Variants in CAMSAP2 observed in about 807,000 individuals in gnomAD.
CAMSAP2 encodes calmodulin regulated spectrin associated protein family member 2.
In CAMSAP2, 26 loss-of-function variants were observed where a neutral mutation model predicts 146.1. That is an observed-to-expected ratio of 0.18 (90% confidence interval 0.13 to 0.25). CAMSAP2 has a LOEUF of 0.25. Among genes scored for constraint, CAMSAP2 ranks in the 10% least tolerant of loss-of-function variants. CAMSAP2 has a pLI of 1.00. For synonymous variants in CAMSAP2, 499 were observed against 596.6 expected (o/e 0.84, Z 2.38); for missense variants, 1,381 against 1,759.3 (o/e 0.78, Z 3.85).
Position 200,738,908 on chromosome 1 carries a change from T to G in CAMSAP2, c.-920T>G, listed in dbSNP as rs550662211. On this transcript the variant is annotated 5_prime_UTR_variant, in exon 1 of 17. Transcript: ENST00000358823. ...GCGCATGCTCAGTCTCCGCATCTGC[T>G]CCTTCATCCAGTGCCGCAGCCGGAA... Among the ~76,000 whole-genome samples, 5 of 150,404 alleles carry G rather than the reference T, an allele frequency of 3.3e-5. No individual in the cohort carries two copies. In the South Asian group the frequency reaches 6.3e-4, roughly 19 times the overall value.
Position 200,853,796 on chromosome 1 carries a change from T to TC in CAMSAP2, c.3823+301_3823+302insC, listed in dbSNP as rs1181741268. ...GAACTATTAACTGCCCTTTACATAC[T>TC]TATAAATTTAAATAAATGTTATATG... On this transcript the variant is annotated intron_variant, in intron 13 of 16. Coordinates refer to ENST00000358823, the MANE Select transcript of CAMSAP2 (RefSeq NM_203459.4). The surrounding 1 kb of genome is among the most constrained non-coding windows in gnomAD (Gnocchi z 5.1). Among the ~76,000 whole-genome samples, 1 of 152,198 alleles carries TC rather than the reference T, an allele frequency of 6.6e-6. No individual in the cohort carries two copies. Among genetic ancestry groups the TC allele is most frequent in the East Asian group, 1.9e-4 (1 of 5,206 alleles).
intron 2 of CAMSAP2, among the ~76,000 whole-genome samples, chr1:200,765,202 A>G (rs571774923): frequency 6.6e-6 from 1 of 152,154 alleles, no homozygotes; most frequent in South Asian, 2.1e-4. Flanking sequence ...TCTGCTTATC[A>G]GTCAAACTTG....
intron 1 of CAMSAP2, among the ~76,000 whole-genome samples, chr1:200,742,898 C>G (rs1664220048): frequency 6.6e-6 from 1 of 151,810 alleles, no homozygotes; most frequent in South Asian, 2.1e-4. Flanking sequence ...GGAATATTTA[C>G]TTAATTTGAA....
At chr1:200,786,282 G>T in intron 2 of CAMSAP2, among the ~76,000 whole-genome samples, 1 of 149,624 alleles carries the variant, frequency 6.7e-6, no homozygotes. Flanking sequence ...TCTTATTTTG[G>T]CTTTTTAAAA....
At chr1:200,763,521 C>T (rs142915944) in intron 2 of CAMSAP2, among the ~76,000 whole-genome samples, 2 of 151,806 alleles carry the variant, frequency 1.3e-5, no homozygotes, top group South Asian at 2.1e-4. Context: ...CCAGACTGGG[C>T]GACAGAGTGA....
intron 1 of CAMSAP2, among the ~76,000 whole-genome samples, chr1:200,753,627 AAG>A (rs773881450): frequency 6.6e-6 from 1 of 152,166 alleles, no homozygotes; most frequent in Non-Finnish European, 1.5e-5. Context: ...GCCCTCAAAC[AAG>A]AGCTGATGGA....
chr1:200,830,886 G>T (rs1274591625), intron 4 of CAMSAP2, among the ~76,000 whole-genome samples: 1 of 152,112 alleles, frequency 6.6e-6, no homozygotes, highest in Non-Finnish European at 1.5e-5. Flanking sequence ...TTTGTCCTTG[G>T]GTAGCCAGTG....
At chr1:200,817,090 GTA>G (rs1330925108) in intron 4 of CAMSAP2, among the ~76,000 whole-genome samples, 2 of 139,192 alleles carry the variant, frequency 1.4e-5, no homozygotes, top group Non-Finnish European at 3.2e-5. Context: ...ACACACACAC[GTA>G]TATATGTATA....
In CAMSAP2 at chr1:200,832,350, T is replaced by A. The variant is rs757699429; in HGVS notation, c.787+9T>A. On this transcript the variant is annotated intron_variant, in intron 5 of 16. Coordinates refer to ENST00000358823, the MANE Select transcript of CAMSAP2 (RefSeq NM_203459.4). The surrounding 1 kb of genome is among the most constrained non-coding windows in gnomAD (Gnocchi z 4.2). Reference sequence around the variant, plus strand: ...TGTTGTCAGATTAGAGGGTAAGTGTTCCATTGTAATACTTCTGAACTGTAG... The same window carrying A: ...TGTTGTCAGATTAGAGGGTAAGTGTACCATTGTAATACTTCTGAACTGTAG... The A allele has an allele frequency of 6.2e-7, 1 of 1,607,438 alleles. No homozygotes were observed. Among genetic ancestry groups the A allele is most frequent in the Admixed American group, 1.7e-5 (1 of 58,580 alleles).
chr1:200,808,478 G>A (rs147638434), intron 3 of CAMSAP2, among the ~76,000 whole-genome samples: 6 of 152,264 alleles, frequency 3.9e-5, no homozygotes, highest in Admixed American at 1.3e-4. Flanking sequence ...CATGAAGCTC[G>A]TAATAAAAAG....
chr1:200,780,861 CTT>C (rs1232964355), intron 2 of CAMSAP2, among the ~76,000 whole-genome samples: 1 of 152,198 alleles, frequency 6.6e-6, no homozygotes, highest in African/African-American at 2.4e-5. Context: ...GATATCATGA[CTT>C]TTTCTTTTCT....
rs750881602 is a variant in CAMSAP2 at position 200,848,538 on chromosome 1, A to G, written c.1769A>G (p.Asp590Gly). Residue 590 changes from aspartate to glycine, a missense_variant, in exon 11 of 17, where the codon GAT becomes GGT. Around this residue, in one of 4 missense-constraint regions of CAMSAP2, gnomAD observed 447 missense variants for 462.2 expected, o/e 0.97. Transcript: ENST00000358823. ...ATCAAGTTAAATCAATCTAGTCCTG[A>G]TAATGTAACTGATACGAAAGGTGCC... is the stretch of plus-strand genomic sequence containing the variant. ...SNIKLNQSSPDNVTDTKGALS... is the reference protein window; with the variant it reads ...SNIKLNQSSPGNVTDTKGALS... 1 of 1,614,088 alleles carries G rather than the reference A, an allele frequency of 6.2e-7. No individual in the cohort carries two copies. The highest frequency in any genetic ancestry group is 8.5e-7 in the Non-Finnish European group (1 of 1,179,966).
Position 200,848,813 on chromosome 1 carries a change from T to C in CAMSAP2, c.2044T>C (p.Ser682Pro), listed in dbSNP as rs749074428. The C allele has an allele frequency of 6.2e-7, 1 of 1,614,134 alleles. No individual in the cohort carries two copies. ...SQPGSSASSS[S>P]GVKMTSFAEQ... ...GCCAGGCAGCAGTGCTTCTTCTAGT[T>C]CTGGAGTTAAAATGACCAGCTTTGC... The change falls in exon 11 of 17, where the codon TCT becomes CCT. Residue 682 changes from serine to proline, a missense_variant. Transcript: ENST00000358823.
At chr1:200,765,473 C>T (rs913798472) in intron 2 of CAMSAP2, among the ~76,000 whole-genome samples, 9 of 152,134 alleles carry the variant, frequency 5.9e-5, no homozygotes, top group Admixed American at 5.9e-4. Flanking sequence ...TTGTGATCCA[C>T]TCACCTCGGC....
At chr1:200,760,749 A>G in intron 1 of CAMSAP2, 90 bp from the exon 2 acceptor site, 1 of 971,180 alleles carries the variant, frequency 1.0e-6, no homozygotes, top group Non-Finnish European at 1.5e-6. Flanking sequence ...GGAATCTTAA[A>G]TTCTATGACA....
intron 6 of CAMSAP2, among the ~76,000 whole-genome samples, chr1:200,835,554 A>T (rs187644278): frequency 1.6e-4 from 24 of 152,300 alleles, no homozygotes; most frequent in Non-Finnish European, 2.5e-4. Context: ...TGGTAAAGAC[A>T]TTTCTAAAAT....
chr1:200,759,842 A>G (rs1664752663), intron 1 of CAMSAP2, among the ~76,000 whole-genome samples: 1 of 152,246 alleles, frequency 6.6e-6, no homozygotes. Context: ...GATGAGAGGT[A>G]TAGAGCCCAG....
chr1:200,853,253 CTG>C lies in CAMSAP2; in HGVS notation c.3603-20_3603-19del. On this transcript the variant is annotated intron_variant, in intron 12 of 16. Coordinates refer to ENST00000358823, the MANE Select transcript of CAMSAP2 (RefSeq NM_203459.4). The surrounding 1 kb of genome is among the most constrained non-coding windows in gnomAD (Gnocchi z 5.1). ...TTGTCTTTGGTATGCAGAATAAGAA[CTG>C]TAACCATTTGATTTCTTAGGCGTAA... is the stretch of plus-strand genomic sequence containing the variant. 6.2e-7 allele frequency: 1 copy of C among 1,600,706 alleles called. No individual in the cohort carries two copies. Among genetic ancestry groups the C allele is most frequent in the South Asian group, 1.1e-5 (1 of 90,756 alleles).
At chr1:200,803,755 T>A (rs1666097284) in intron 2 of CAMSAP2, among the ~76,000 whole-genome samples, 2 of 152,194 alleles carry the variant, frequency 1.3e-5, no homozygotes, top group Non-Finnish European at 2.9e-5. Flanking sequence ...ATGAGCTTTG[T>A]TCTGAAAATG....
Sources: gnomAD v4.1 joint callset for allele counts (sites outside exome capture counted in the v4.1 genomes callset) on GRCh38, gnomAD v4.1.1 for gene constraint, gnomAD v4.1.1 regional missense constraint, Gnocchi (gnomAD v3.1) non-coding constraint, MANE v1.5 for transcripts, NCBI Gene and HGNC (gene_info 2026-07-23, HGNC 2026-07-21) for gene names.